Variants in LRRC4C observed in about 807,000 individuals in gnomAD.
LRRC4C encodes the protein leucine-rich repeat-containing protein 4C.
Under a neutral mutation model 33.6 loss-of-function variants are expected in LRRC4C, and 5 were observed. The observed-to-expected ratio is 0.15, with a 90% confidence interval of 0.08 to 0.31. The LOEUF (loss-of-function observed/expected upper bound fraction) is 0.31, where lower values mean the gene tolerates loss of function less well. Among genes scored for constraint, LRRC4C ranks in the 10% least tolerant of loss-of-function variants. The pLI is 1.00. For missense variants in LRRC4C, 560 were observed against 796.7 expected, an observed-to-expected ratio of 0.70 and a Z score of 3.58; for synonymous variants, 329 against 302.0, an observed-to-expected ratio of 1.09 and a Z score of -0.93.
At chr11:40,862,642 G>C (rs1056035703) in intron 2 of LRRC4C, among the ~76,000 whole-genome samples, 2 of 152,166 alleles carry the variant, frequency 1.3e-5, no homozygotes, top group Non-Finnish European at 2.9e-5. Context: ...GTTTTCTTCT[G>C]AGAGATAGTT....
chr11:41,071,801 G>T (rs1273207851), intron 1 of LRRC4C, among the ~76,000 whole-genome samples: 1 of 152,114 alleles, frequency 6.6e-6, no homozygotes, highest in African/African-American at 2.4e-5. Flanking sequence ...TCCTGGAAAG[G>T]ATTCTCTATT....
At chr11:41,364,903 A>C (rs1356434310) in intron 1 of LRRC4C, among the ~76,000 whole-genome samples, 1 of 152,202 alleles carries the variant, frequency 6.6e-6, no homozygotes, top group Non-Finnish European at 1.5e-5. Flanking sequence ...TAAGGCGGAA[A>C]TATAACTTAC....
chr11:40,958,248 G>A (rs1959048277), intron 1 of LRRC4C, among the ~76,000 whole-genome samples: 1 of 151,710 alleles, frequency 6.6e-6, no homozygotes, highest in Non-Finnish European at 1.5e-5. Flanking sequence ...AACTAAGACA[G>A]TAGTCTGGCA....
chr11:40,324,728 A>G (rs1405548718), intron 3 of LRRC4C, among the ~76,000 whole-genome samples: 5 of 152,210 alleles, frequency 3.3e-5, no homozygotes, highest in South Asian at 2.1e-4. Context: ...AAATACAAAT[A>G]TTTACAGATT....
At chr11:40,908,246 C>A (rs1175683684) in intron 2 of LRRC4C, among the ~76,000 whole-genome samples, 1 of 151,908 alleles carries the variant, frequency 6.6e-6, no homozygotes, top group Non-Finnish European at 1.5e-5. Flanking sequence ...CTAAAGAGAC[C>A]AACACCTGTG....
chr11:41,309,314 C>T (rs1304269227), intron 1 of LRRC4C, among the ~76,000 whole-genome samples: 1 of 152,162 alleles, frequency 6.6e-6, no homozygotes, highest in Non-Finnish European at 1.5e-5. Context: ...AGGGCTCATT[C>T]ACCACAGAAA....
intron 1 of LRRC4C, among the ~76,000 whole-genome samples, chr11:41,347,553 T>C (rs1368537313): frequency 1.1e-4 from 16 of 152,240 alleles, no homozygotes; most frequent in Admixed American, 1.0e-3. Context: ...CAGAGAACTT[T>C]GTAGATATCA....
chr11:41,452,091 A>T (rs1956045064), intron 1 of LRRC4C, among the ~76,000 whole-genome samples: 1 of 152,036 alleles, frequency 6.6e-6, no homozygotes, highest in Non-Finnish European at 1.5e-5. Flanking sequence ...CATTTGTCTC[A>T]ACTTATATGG....
intron 1 of LRRC4C, among the ~76,000 whole-genome samples, chr11:41,195,105 C>T (rs1298801054): frequency 1.3e-5 from 2 of 151,988 alleles, no homozygotes; most frequent in South Asian, 2.1e-4. Context: ...GACATAGTTT[C>T]TCTTTTGCTC....
chr11:41,443,990 T>A (rs1395424), intron 1 of LRRC4C, among the ~76,000 whole-genome samples: 103,153 of 151,854 alleles, frequency 0.68, 36,081 homozygotes, highest in African/African-American at 0.83. Context: ...CATGTGGCAC[T>A]ATGTGAAACA....
At chr11:40,792,804 G>A (rs1460331559) in intron 2 of LRRC4C, among the ~76,000 whole-genome samples, 1 of 152,072 alleles carries the variant, frequency 6.6e-6, no homozygotes, top group Non-Finnish European at 1.5e-5. Flanking sequence ...ATACTGTGCA[G>A]CCATAAAAAA....
At chr11:41,367,656 T>C (rs1020382149) in intron 1 of LRRC4C, among the ~76,000 whole-genome samples, 3 of 152,150 alleles carry the variant, frequency 2.0e-5, no homozygotes, top group African/African-American at 7.2e-5. Context: ...CTGTACTGTA[T>C]ATACATACCC....
chr11:41,040,776 A>C (rs1454227901), intron 1 of LRRC4C, among the ~76,000 whole-genome samples: 1 of 152,168 alleles, frequency 6.6e-6, no homozygotes, highest in Non-Finnish European at 1.5e-5. Context: ...GACTCAACTC[A>C]ATCCAAAATA....
intron 1 of LRRC4C, among the ~76,000 whole-genome samples, chr11:41,378,510 C>T (rs1953024215): frequency 6.6e-6 from 1 of 152,136 alleles, no homozygotes; most frequent in Non-Finnish European, 1.5e-5. Flanking sequence ...AGTAATTCAT[C>T]TCTTAAGACA....
chr11:41,033,153 G>A (rs961594704), intron 1 of LRRC4C, among the ~76,000 whole-genome samples: 1 of 151,854 alleles, frequency 6.6e-6, no homozygotes, highest in African/African-American at 2.4e-5. Context: ...GGCTTGTTAC[G>A]TGCTTAGGCT....
intron 1 of LRRC4C, among the ~76,000 whole-genome samples, chr11:41,018,119 A>G (rs962853449): frequency 6.6e-6 from 1 of 152,190 alleles, no homozygotes; most frequent in Non-Finnish European, 1.5e-5. Flanking sequence ...TATTTCTCCC[A>G]TTAAGACTGC....
chr11:40,841,365 C>T (rs1330775689), intron 2 of LRRC4C, among the ~76,000 whole-genome samples: 1 of 152,154 alleles, frequency 6.6e-6, no homozygotes, highest in African/African-American at 2.4e-5. Context: ...CCCCTTCTCT[C>T]CCCATACCAA....
At chr11:40,166,695 T>TA (rs762656382) in intron 5 of LRRC4C, among the ~76,000 whole-genome samples, 78 of 151,314 alleles carry the variant, frequency 5.2e-4, no homozygotes, top group East Asian at 9.7e-4. Flanking sequence ...TGCAGCTCTT[T>TA]AAAAAAAAAT....
At chr11:40,589,828 G>C (rs1339374210) in intron 3 of LRRC4C, among the ~76,000 whole-genome samples, 2 of 149,026 alleles carry the variant, frequency 1.3e-5, no homozygotes, top group South Asian at 4.4e-4. Context: ...TGGCTTGTAG[G>C]GTTTCTGCCG....
Sources: allele counts gnomAD v4.1 joint callset (sites outside exome capture counted in the v4.1 genomes callset), GRCh38; gene constraint gnomAD v4.1.1; transcripts MANE v1.5; gene names NCBI Gene and HGNC (gene_info 2026-07-23, HGNC 2026-07-21).